The following EYA4 variants were observed in gnomAD, a reference collection of about 807,000 sequenced individuals.
EYA4 encodes the protein protein phosphatase EYA4.
A neutral mutation model predicts 87.9 loss-of-function variants in EYA4; 31 were observed. That is an observed-to-expected ratio of 0.35 (90% CI 0.27 to 0.48). The LOEUF (loss-of-function observed/expected upper bound fraction) is 0.48. Ranked by LOEUF, EYA4 falls within the 20% of genes least tolerant of loss-of-function variation. EYA4 has a pLI of 0.99. For missense variants in EYA4, 678 were observed against 761.4 expected (o/e 0.89, Z 1.29); for synonymous variants, 263 against 270.6 (o/e 0.97, Z 0.28).
chr6:133,384,202 TAGAA>T (rs893503214), intron 3 of EYA4, among the ~76,000 whole-genome samples: 17 of 152,134 alleles, frequency 1.1e-4, no homozygotes, highest in Admixed American at 6.5e-5. Context: ...GGAGAAGAAA[TAGAA>T]AGAGTTCAGA....
intron 3 of EYA4, among the ~76,000 whole-genome samples, chr6:133,393,946 A>G (rs1256621001): frequency 6.6e-6 from 1 of 152,196 alleles, no homozygotes; most frequent in Non-Finnish European, 1.5e-5. Context: ...ATGAGGGCTT[A>G]ATAGAGATTC....
At chr6:133,414,793 A>G (rs1789563482) in intron 3 of EYA4, among the ~76,000 whole-genome samples, 1 of 152,156 alleles carries the variant, frequency 6.6e-6, no homozygotes, top group Non-Finnish European at 1.5e-5. Context: ...AGTTTTTTTC[A>G]GGTGGAAAGA....
intron 2 of EYA4, among the ~76,000 whole-genome samples, chr6:133,381,481 G>A (rs964881915): frequency 1.3e-5 from 2 of 151,932 alleles, no homozygotes; most frequent in African/African-American, 4.8e-5. Flanking sequence ...TGTTCCTCAT[G>A]GTATATATTC....
intron 1 of EYA4, among the ~76,000 whole-genome samples, chr6:133,257,719 A>G (rs1275881467): frequency 6.6e-6 from 1 of 152,192 alleles, no homozygotes; most frequent in East Asian, 1.9e-4. Flanking sequence ...AAAGCTATAC[A>G]CTGAGTCATG....
At chr6:133,268,509 A>T (rs9389062) in intron 1 of EYA4, among the ~76,000 whole-genome samples, 38,035 of 152,114 alleles carry the variant, frequency 0.25, 5,273 homozygotes, top group African/African-American at 0.36. Flanking sequence ...CTAAAGGAGA[A>T]GGCCAGCCAC....
intron 12 of EYA4, among the ~76,000 whole-genome samples, chr6:133,482,582 A>G (rs1022877518): frequency 1.3e-5 from 2 of 152,252 alleles, no homozygotes; most frequent in African/African-American, 4.8e-5. Flanking sequence ...CTGCTGGCCT[A>G]ATGTGACCCC....
At chr6:133,507,207 G>A (rs1262556778) in intron 14 of EYA4, 2 of 152,136 alleles carry the variant, frequency 1.3e-5, no homozygotes, top group Non-Finnish European at 2.9e-5. Flanking sequence ...GGGAGAAACT[G>A]TATGGTCCAC....
intron 2 of EYA4, among the ~76,000 whole-genome samples, chr6:133,294,045 A>G (rs1301453792): frequency 2.2e-5 from 2 of 89,038 alleles, no homozygotes; most frequent in Non-Finnish European, 5.0e-5. Context: ...ATATATATAT[A>G]TATATATATA....
At chr6:133,357,229 C>T (rs2128439521) in intron 2 of EYA4, among the ~76,000 whole-genome samples, 1 of 142,002 alleles carries the variant, frequency 7.0e-6, no homozygotes, top group East Asian at 2.1e-4. Flanking sequence ...CGAGATCCCG[C>T]CACTGCACTC....
At chr6:133,252,024 C>T (rs554990473) in intron 1 of EYA4, among the ~76,000 whole-genome samples, 1 of 152,260 alleles carries the variant, frequency 6.6e-6, no homozygotes, top group Admixed American at 6.5e-5. Flanking sequence ...TTTTCCTTTT[C>T]TGGAAATAAT....
At chr6:133,480,731 C>CT (rs1321584501) in intron 11 of EYA4, among the ~76,000 whole-genome samples, 1 of 151,906 alleles carries the variant, frequency 6.6e-6, no homozygotes, top group African/African-American at 2.4e-5. Flanking sequence ...TCTCTTTTTA[C>CT]TTTTTTTAAC....
In EYA4 at chr6:133,274,812, C is replaced by T. The variant is rs1394230343; in HGVS notation, c.32C>T (p.Ser11Leu). The stretch of plus-strand genomic sequence containing the variant: ...GACTCCCAGGATTTAAATGAACAAT[C>T]AGTAAGTCTTCATTCTCAGTTTTGC... MEDSQDLNEQ[S>L]VKKTCTESDV... The change falls in exon 2 of 20, where the codon TCA (serine) becomes TTA (leucine). Residue 11 changes from serine to leucine, a missense_variant and splice_region_variant. By Grantham distance (145) the Ser-to-Leu change is moderately radical. Coordinates refer to ENST00000355286, the MANE Select transcript of EYA4 (RefSeq NM_004100.5). 2 of 1,613,230 alleles carry T rather than the reference C, an allele frequency of 1.2e-6. No homozygotes were observed. Among genetic ancestry groups the T allele is most frequent in the African/African-American group, 1.3e-5 (1 of 74,990 alleles).
intron 3 of EYA4, among the ~76,000 whole-genome samples, chr6:133,446,285 T>C (rs1013090166): frequency 1.3e-5 from 2 of 152,132 alleles, no homozygotes; most frequent in Admixed American, 1.3e-4. Flanking sequence ...GGAATAGTCA[T>C]AGGATTATTT....
chr6:133,309,574 G>C (rs1323770592), intron 2 of EYA4, among the ~76,000 whole-genome samples: 1 of 152,172 alleles, frequency 6.6e-6, no homozygotes, highest in Non-Finnish European at 1.5e-5. Context: ...ATATTTAGGA[G>C]TGGTTTTCAT....
chr6:133,417,518 A>G (rs924725173), intron 3 of EYA4, among the ~76,000 whole-genome samples: 5 of 152,210 alleles, frequency 3.3e-5, no homozygotes, highest in African/African-American at 1.2e-4. Context: ...AGATAAACTC[A>G]TAGGACTTGT....
chr6:133,324,599 CTATTA>C (rs1781345716), intron 2 of EYA4, among the ~76,000 whole-genome samples: 1 of 151,578 alleles, frequency 6.6e-6, no homozygotes, highest in Admixed American at 6.6e-5. Context: ...TAAAGTTATT[CTATTA>C]TGTGTCTGAA....
chr6:133,275,590 A>G (rs1777101152), intron 2 of EYA4, among the ~76,000 whole-genome samples: 1 of 149,972 alleles, frequency 6.7e-6, no homozygotes, highest in Admixed American at 6.7e-5. Flanking sequence ...TTATGTGATC[A>G]TGACTTGATC....
chr6:133,465,524 T>C (rs1794768407), intron 10 of EYA4, among the ~76,000 whole-genome samples: 1 of 152,166 alleles, frequency 6.6e-6, no homozygotes, highest in Non-Finnish European at 1.5e-5. Context: ...GAATTATGCA[T>C]GAAGCAAGAG....
intron 2 of EYA4, among the ~76,000 whole-genome samples, chr6:133,296,483 G>A (rs1778955443): frequency 2.0e-5 from 3 of 151,976 alleles, no homozygotes; most frequent in Non-Finnish European, 4.4e-5. Context: ...GGCTTGAGTT[G>A]GGTTGTACTT....
Sources: gnomAD v4.1 joint callset for allele counts (sites outside exome capture counted in the v4.1 genomes callset) on GRCh38, gnomAD v4.1.1 for gene constraint, MANE v1.5 for transcripts, NCBI Gene and HGNC (gene_info 2026-07-23, HGNC 2026-07-21) for gene names.